The following GRID1 variants were observed in gnomAD, a reference collection of about 807,000 sequenced individuals.
GRID1 encodes glutamate receptor ionotropic, delta-1.
In GRID1, 28 loss-of-function variants were observed where a neutral mutation model predicts 98.0. The observed-to-expected ratio is 0.29, with a 90% CI of 0.21 to 0.39. The LOEUF (loss-of-function observed/expected upper bound fraction) is 0.39, where lower values mean the gene tolerates loss of function less well. Among genes scored for constraint, GRID1 ranks in the 10% least tolerant of loss-of-function variants. The pLI, the probability that GRID1 is intolerant of heterozygous loss-of-function variation, is 1.00. For synonymous variants in GRID1, 553 were observed against 538.5 expected (o/e 1.03, Z -0.37); for missense variants, 1,111 against 1,340.5 (o/e 0.83, Z 2.67).
rs534237374 is a variant in GRID1, at chr10:85,936,586, G to C, written c.727-20347C>G. ...CAATGGACTGGCATTCTTCCTTATA[G>C]TAAGCATTGAGGGTCATGCATTCTA... On this transcript the variant is annotated intron_variant, in intron 4 of 15. Coordinates refer to ENST00000327946, the MANE Select transcript of GRID1 (RefSeq NM_017551.3). Among the ~76,000 whole-genome samples, 10 of 151,894 alleles carry C rather than the reference G, an allele frequency of 6.6e-5. No homozygotes were observed. In the East Asian group the frequency reaches 1.9e-3, roughly 29 times the overall value.
chr10:85,629,247 G>A (rs975625167), intron 13 of GRID1, among the ~76,000 whole-genome samples: 7 of 152,080 alleles, frequency 4.6e-5, no homozygotes, highest in Non-Finnish European at 1.0e-4. Context: ...AAATTTGTAC[G>A]AATTTAAAGG....
intron 5 of GRID1, among the ~76,000 whole-genome samples, chr10:85,896,180 T>C (rs1260363261): frequency 6.6e-6 from 1 of 152,066 alleles, no homozygotes; most frequent in African/African-American, 2.4e-5. Context: ...GTTTCGTGGC[T>C]TTTCTGTCTA....
At chr10:86,236,062 T>G (rs184023886) in intron 2 of GRID1, among the ~76,000 whole-genome samples, 13 of 152,378 alleles carry the variant, frequency 8.5e-5, no homozygotes, top group Non-Finnish European at 1.9e-4. Flanking sequence ...CACTTGTTAC[T>G]GTCTTTTTTA....
chr10:86,150,194 G>A (rs897149333), intron 3 of GRID1, among the ~76,000 whole-genome samples: 1 of 152,182 alleles, frequency 6.6e-6, no homozygotes, highest in Non-Finnish European at 1.5e-5. Flanking sequence ...CAGGCCTCTC[G>A]GGGCAGGAGC....
At chr10:86,050,818 G>C (rs576917968) in intron 4 of GRID1, among the ~76,000 whole-genome samples, 1 of 151,326 alleles carries the variant, frequency 6.6e-6, no homozygotes, top group Non-Finnish European at 1.5e-5. Flanking sequence ...TCAATAGGCT[G>C]TGTTTTGGGC....
chr10:85,751,059 GA>G (rs1842041236), intron 8 of GRID1, among the ~76,000 whole-genome samples: 1 of 152,204 alleles, frequency 6.6e-6, no homozygotes. Flanking sequence ...GGTGGGCCCA[GA>G]GGGGGCTCTG....
chr10:85,908,050 T>C (rs1475587604), intron 5 of GRID1, among the ~76,000 whole-genome samples: 1 of 152,202 alleles, frequency 6.6e-6, no homozygotes, highest in Non-Finnish European at 1.5e-5. Flanking sequence ...AGAACATCTA[T>C]AAACAACTTA....
At chr10:86,111,520 A>G (rs1018613579) in intron 4 of GRID1, among the ~76,000 whole-genome samples, 1 of 152,246 alleles carries the variant, frequency 6.6e-6, no homozygotes, top group African/African-American at 2.4e-5. Flanking sequence ...ACCTGTATGT[A>G]TCTCAGGGAA....
chr10:85,826,443 G>C (rs1033288681), intron 8 of GRID1, among the ~76,000 whole-genome samples: 2 of 152,096 alleles, frequency 1.3e-5, no homozygotes, highest in Admixed American at 6.6e-5. Context: ...CATAACTTCA[G>C]ACTAAAAAGA....
At chr10:86,186,133 G>A (rs946812188) in intron 3 of GRID1, among the ~76,000 whole-genome samples, 1 of 152,156 alleles carries the variant, frequency 6.6e-6, no homozygotes, top group African/African-American at 2.4e-5. Context: ...TTCTTCTGGA[G>A]TATGCTTTAG....
chr10:86,283,425 A>G lies in GRID1; in HGVS notation c.236-76777T>C, dbSNP rs546765536. ...ACTGCCTGGCTGGAAGGAAGGATTC[A>G]GCAGGACCAAGCAGATTTTAGTGAA... On this transcript the variant is annotated intron_variant, in intron 2 of 15. Coordinates refer to ENST00000327946, the MANE Select transcript of GRID1 (RefSeq NM_017551.3). Among the ~76,000 whole-genome samples, 7 of 152,266 alleles carry G rather than the reference A, an allele frequency of 4.6e-5. No individual in the cohort carries two copies. The South Asian group carries it at 1.5e-3, about 32-fold the overall frequency.
intron 2 of GRID1, among the ~76,000 whole-genome samples, chr10:86,276,914 C>A (rs1236412937): frequency 6.6e-6 from 1 of 152,092 alleles, no homozygotes; most frequent in East Asian, 1.9e-4. Context: ...GCAATACTGT[C>A]CTTTTTCAAA....
In GRID1 at chr10:86,179,438, G is replaced by A. The variant is rs144747304; in HGVS notation, c.520+26926C>T. Among the ~76,000 whole-genome samples, 380 of 152,304 alleles carry A rather than the reference G, an allele frequency of 2.5e-3. 4 individuals are homozygous for A. Among genetic ancestry groups the A allele is most frequent in the African/African-American group, 8.4e-3 (349 of 41,554 alleles). On this transcript the variant is annotated intron_variant, in intron 3 of 15. Transcript: ENST00000327946. ...GAGGTGACCTCCTCTGGTCCTCCAC[G>A]ACCCCAGCAGGGAGTCACTTCCATC...
intron 8 of GRID1, among the ~76,000 whole-genome samples, chr10:85,827,559 A>G (rs187283467): frequency 7.9e-4 from 121 of 152,316 alleles, no homozygotes; most frequent in Non-Finnish European, 1.2e-3. Flanking sequence ...AGGAAGAGAA[A>G]GCAAGCAACT....
intron 4 of GRID1, among the ~76,000 whole-genome samples, chr10:86,081,256 G>T (rs1484001751): frequency 2.0e-5 from 3 of 152,210 alleles, no homozygotes; most frequent in Non-Finnish European, 4.4e-5. Flanking sequence ...GGCTGGGGAT[G>T]AAAATGGATG....
rs114768168 is a variant in GRID1, at chr10:85,780,150, T to A, written c.1234-50536A>T. Among the ~76,000 whole-genome samples the A allele has an allele frequency of 2.6e-3, 389 of 152,280 alleles. 2 individuals carry two copies. The highest frequency in any genetic ancestry group is 8.6e-3 in the African/African-American group (357 of 41,564). ...TTGGCATTGGGAGGACATCTTGAGA[T>A]CGTTGTCTAATCCCAGCCCTAGAGC... On this transcript the variant is annotated intron_variant, in intron 8 of 15. Coordinates refer to ENST00000327946, the MANE Select transcript of GRID1 (RefSeq NM_017551.3).
At chr10:85,753,135 C>G (rs146688687) in intron 8 of GRID1, among the ~76,000 whole-genome samples, 2 of 152,288 alleles carry the variant, frequency 1.3e-5, no homozygotes, top group Non-Finnish European at 2.9e-5. Context: ...CTAGCAATTT[C>G]ACAGATTACA....
At chr10:85,706,972 T>C (rs1841527169) in intron 12 of GRID1, among the ~76,000 whole-genome samples, 3 of 152,170 alleles carry the variant, frequency 2.0e-5, no homozygotes, top group Non-Finnish European at 2.9e-5. Flanking sequence ...CAAGATGGAT[T>C]AAAGACTTAA....
chr10:85,884,111 C>G (rs1841077973), intron 5 of GRID1, among the ~76,000 whole-genome samples: 1 of 152,144 alleles, frequency 6.6e-6, no homozygotes, highest in Non-Finnish European at 1.5e-5. Flanking sequence ...CTGGGAGTTC[C>G]TATTACCACT....
Sources: allele counts gnomAD v4.1 joint callset (sites outside exome capture counted in the v4.1 genomes callset), GRCh38; gene constraint gnomAD v4.1.1; transcripts MANE v1.5; gene names NCBI Gene and HGNC (gene_info 2026-07-23, HGNC 2026-07-21).